The following CAPN8 variants were observed in gnomAD, a reference collection of about 807,000 sequenced individuals.
CAPN8 encodes calpain-8.
A neutral mutation model predicts 80.9 loss-of-function variants in CAPN8; 87 were observed. The ratio of observed to expected loss-of-function variants is 1.07; its 90% CI spans 0.90 to 1.28. The LOEUF (loss-of-function observed/expected upper bound fraction) is 1.28, where lower values mean the gene tolerates loss of function less well. CAPN8 is among the 50% of genes most tolerant of loss of function. CAPN8 has a pLI of 0.00. For synonymous variants in CAPN8, 299 were observed against 273.8 expected (o/e 1.09, Z -0.91); for missense variants, 757 against 702.0 (o/e 1.08, Z -0.89).
chr1:223,545,971 C>T (rs998986370), intron 16 of CAPN8, among the ~76,000 whole-genome samples: 8 of 150,532 alleles, frequency 5.3e-5, no homozygotes, highest in Admixed American at 1.3e-4. Context: ...TACAGGCACC[C>T]GCCACCATAC....
rs1656728055 is a variant in CAPN8 at position 223,549,527 on chromosome 1, CA to C, written c.1700-146del. ...CTGCCAAAAGGGGAGAGCATCATGG[CA>C]GGCTTGTGGGCAGATACGCCTGAGC... On this transcript the variant is annotated intron_variant, in intron 15 of 20. Transcript: ENST00000366872. 2.3e-6 allele frequency: 3 copies of C among 1,291,096 alleles called. No homozygotes were observed. The East Asian group carries it at 7.6e-5, about 33-fold the overall frequency. 80.0% of individuals were successfully genotyped at this position (1,291,096 alleles called of 1,614,324 possible). A position where few individuals can be genotyped will look rare whatever the true frequency, so the allele number is the denominator to read the frequency against.
At chr1:223,653,949 C>A (rs550610348) in intron 2 of CAPN8, among the ~76,000 whole-genome samples, 80 of 152,324 alleles carry the variant, frequency 5.3e-4, no homozygotes, top group African/African-American at 1.8e-3. Context: ...ATTATGACAG[C>A]CCATAATTAC....
chr1:223,663,116 C>T (rs1658694546), intron 1 of CAPN8, among the ~76,000 whole-genome samples: 1 of 152,218 alleles, frequency 6.6e-6, no homozygotes, highest in South Asian at 2.1e-4. Flanking sequence ...TCTACTGCCT[C>T]ATGCTCTGAA....
At chr1:223,622,776 AG>A (rs1234237452) in intron 7 of CAPN8, 38 bp downstream of exon 7, 1 of 1,477,938 alleles carries the variant, frequency 6.8e-7, no homozygotes, top group Non-Finnish European at 9.3e-7. Flanking sequence ...CCTTCCGCAG[AG>A]GGAGAGATGA....
At chr1:223,618,119 AATCAACAG>A in intron 9 of CAPN8, 1 of 1,084,976 alleles carries the variant, frequency 9.2e-7, no homozygotes, top group South Asian at 1.5e-5. Flanking sequence ...AGTCTAAGTC[AATCAACAG>A]ATCAACAGCA....
intron 10 of CAPN8, chr1:223,615,711 C>T (rs373377792): frequency 1.7e-6 from 1 of 591,650 alleles, no homozygotes; most frequent in East Asian, 3.8e-5. Flanking sequence ...CACATGTACA[C>T]TGAGCCCTCA....
chr1:223,662,504 C>G (rs151251955), intron 1 of CAPN8, among the ~76,000 whole-genome samples: 2 of 151,914 alleles, frequency 1.3e-5, no homozygotes, highest in Non-Finnish European at 1.5e-5. Flanking sequence ...AAACGAAATT[C>G]GGGGAAGAAT....
chr1:223,634,027 G>A (rs1390393871), intron 2 of CAPN8, among the ~76,000 whole-genome samples: 1 of 152,200 alleles, frequency 6.6e-6, no homozygotes, highest in Non-Finnish European at 1.5e-5. Flanking sequence ...AGAAGCCAAA[G>A]CAGGGAACAT....
At chr1:223,642,426 A>G (rs1571729126) in intron 2 of CAPN8, among the ~76,000 whole-genome samples, 1 of 152,032 alleles carries the variant, frequency 6.6e-6, no homozygotes, top group East Asian at 1.9e-4. Context: ...GTTTCCCGGC[A>G]CCTCCACTCC....
At chr1:223,547,951 G>A (rs35916490) in intron 16 of CAPN8, among the ~76,000 whole-genome samples, 35,579 of 152,048 alleles carry the variant, frequency 0.23, 4,261 homozygotes, top group Middle Eastern at 0.29. Context: ...GAAAAGACAC[G>A]AGGGCTAAAG....
rs550003619 is a variant in CAPN8 at position 223,546,882 on chromosome 1, T to TGTG, written c.1765-1586_1765-1584dup. Among the ~76,000 whole-genome samples the TGTG allele has an allele frequency of 6.0e-3, 755 of 126,698 alleles. 9 individuals carry two copies. The highest frequency in any genetic ancestry group is 0.038 in the South Asian group (120 of 3,178). The allele number at this position is 126,698 out of a possible 152,430, so 83.1% of individuals were successfully genotyped here. A position where few individuals can be genotyped will look rare whatever the true frequency, so the allele number is the denominator to read the frequency against. On this transcript the variant is annotated intron_variant, in intron 16 of 20. Transcript: ENST00000366872. ...AGGAATCAGGGGTTTTTGTTTGTTT[T>TGTG]GTGGTTGTTGTTGTTGTTGTTGTTG... is the stretch of plus-strand genomic sequence containing the variant.
chr1:223,612,363 G>T, intron 10 of CAPN8, 106 bp from the exon 11 acceptor site: 2 of 1,000,204 alleles, frequency 2.0e-6, no homozygotes, highest in African/African-American at 1.7e-5. Context: ...CAGTCCTGGG[G>T]CAACTGAGGA....
chr1:223,618,688 A>T (rs1288612959), intron 9 of CAPN8, among the ~76,000 whole-genome samples: 10 of 152,216 alleles, frequency 6.6e-5, no homozygotes, highest in Non-Finnish European at 2.9e-5. Context: ...AGGTGCCAAG[A>T]GCAGGGCTAG....
chr1:223,615,656 C>G (rs1657148598), intron 10 of CAPN8: 2 of 476,654 alleles, frequency 4.2e-6, no homozygotes, highest in Non-Finnish European at 8.2e-6. Flanking sequence ...ATGTTCTTGG[C>G]TCTTGTCCCT....
chr1:223,617,242 A>G (rs1463503001), intron 9 of CAPN8: 2 of 143,924 alleles, frequency 1.4e-5, no homozygotes, highest in Non-Finnish European at 3.0e-5. Flanking sequence ...TACTTATTCA[A>G]TTCCACCTTC....
chr1:223,615,996 G>A lies in CAPN8; in HGVS notation c.1285C>T (p.Leu429Phe), dbSNP rs1657166793. Residue 429 changes from leucine to phenylalanine, a missense_variant, in exon 10 of 21, where the codon CTT (leucine) becomes TTT (phenylalanine). Leu to Phe is a conservative substitution (Grantham distance 22). Coordinates refer to ENST00000366872, the MANE Select transcript of CAPN8 (RefSeq NM_001143962.2). ...RWRKRIGQGM[L>F]SIGYAVYQVP... The stretch of plus-strand genomic sequence containing the variant: ...TGGTAGACGGCATAGCCGATGCTAA[G>A]CATGCCTTGTCCTATCCGCTTCCGC... The A allele has an allele frequency of 1.9e-6, 3 of 1,552,176 alleles. No individual in the cohort carries two copies. Among genetic ancestry groups the A allele is most frequent in the Non-Finnish European group, 2.6e-6 (3 of 1,147,140 alleles).
At position 223,619,312 on chromosome 1, in the gene CAPN8, C is replaced by T. The variant is rs1278918872; in HGVS notation, c.1116G>A (p.Gly372=). The T allele has an allele frequency of 1.4e-5, 22 of 1,551,558 alleles. No homozygotes were observed. The highest frequency in any genetic ancestry group is 1.8e-5 in the Non-Finnish European group (21 of 1,147,020). ...NGHWTRGSTA[G]GCQNYPATYW... is the part of the protein sequence containing the mutation. The stretch of plus-strand genomic sequence containing the variant: ...CCTTACCTGGGTAGTTCTGGCAGCC[C>T]CCAGCTGTGGAGCCCCGGGTCCAGT... Residue 372 remains glycine, a synonymous_variant, in exon 9 of 21, where the codon GGG becomes GGA. Coordinates refer to ENST00000366872, the MANE Select transcript of CAPN8 (RefSeq NM_001143962.2).
intron 2 of CAPN8, among the ~76,000 whole-genome samples, chr1:223,647,997 G>A (rs1398290073): frequency 6.6e-6 from 1 of 152,168 alleles, no homozygotes; most frequent in Non-Finnish European, 1.5e-5. Flanking sequence ...AAGTTAGTGA[G>A]GGTTCATGGA....
chr1:223,617,977 G>C, intron 9 of CAPN8: 1 of 398,440 alleles, frequency 2.5e-6, no homozygotes, highest in Non-Finnish European at 4.6e-6. Context: ...TGAAAGAAGA[G>C]AGAACTTGTC....
Sources: gnomAD v4.1 joint callset for allele counts (sites outside exome capture counted in the v4.1 genomes callset) on GRCh38, gnomAD v4.1.1 for gene constraint, MANE v1.5 for transcripts, NCBI Gene and HGNC (gene_info 2026-07-23, HGNC 2026-07-21) for gene names.